The following UBE2D2 variants were observed in gnomAD, a reference collection of about 807,000 sequenced individuals.
The protein encoded by UBE2D2 is ubiquitin-conjugating enzyme E2 D2.
In UBE2D2, 2 loss-of-function variants were observed where a neutral mutation model predicts 24.2. The ratio of observed to expected loss-of-function variants is 0.08; its 90% confidence interval spans 0.03 to 0.26. The LOEUF is 0.26. UBE2D2 is among the 10% of genes least tolerant of loss of function. UBE2D2 has a pLI of 1.00. For synonymous variants in UBE2D2, 58 were observed against 56.5 expected (o/e 1.03, Z -0.12); for missense variants, 44 against 177.6 (o/e 0.25, Z 4.28).
At chr5:139,544,236 T>G (rs1754836681) in intron 1 of UBE2D2, among the ~76,000 whole-genome samples, 1 of 150,904 alleles carries the variant, frequency 6.6e-6, no homozygotes, top group Admixed American at 6.6e-5. Flanking sequence ...ACTCATGCAG[T>G]CCTCCCACCT....
chr5:139,572,579 G>A lies in UBE2D2; in HGVS notation c.24+10764G>A, dbSNP rs184444190. 5.9e-5 allele frequency among the ~76,000 whole-genome samples: 9 copies of A among 151,662 alleles called. No homozygotes were observed. The South Asian group carries it at 6.2e-4, about 11-fold the overall frequency. On this transcript the variant is annotated intron_variant, in intron 1 of 6. Coordinates refer to ENST00000398733, the MANE Select transcript of UBE2D2 (RefSeq NM_003339.3). Reference sequence around the variant, plus strand: ...CCAGTGCACTCCAGCTTGGGCCACAGAGCGAGATCTGTCTCTTAAAAAAAA... The same window carrying A: ...CCAGTGCACTCCAGCTTGGGCCACAAAGCGAGATCTGTCTCTTAAAAAAAA...
intron 1 of UBE2D2, among the ~76,000 whole-genome samples, chr5:139,545,196 CTAAT>C: frequency 6.6e-6 from 1 of 152,184 alleles, no homozygotes; most frequent in African/African-American, 2.4e-5. Flanking sequence ...TTATGGTAAT[CTAAT>C]TAACTTTTCC....
intron 1 of UBE2D2, among the ~76,000 whole-genome samples, chr5:139,545,434 A>T (rs111228103): frequency 0.044 from 1,618 of 36,548 alleles, 11 homozygotes; most frequent in East Asian, 0.088. Context: ...TTTTTTTTTT[A>T]ATTTTTTTTT....
chr5:139,610,879 G>GTACA (rs1272192767), intron 2 of UBE2D2, among the ~76,000 whole-genome samples: 1 of 152,020 alleles, frequency 6.6e-6, no homozygotes, highest in African/African-American at 2.4e-5. Flanking sequence ...GGAGAGCAGT[G>GTACA]TACAAGCAGT....
intron 1 of UBE2D2, among the ~76,000 whole-genome samples, chr5:139,545,108 G>A (rs1366964653): frequency 6.6e-6 from 1 of 152,116 alleles, no homozygotes; most frequent in Non-Finnish European, 1.5e-5. Flanking sequence ...TGCTGTGGTA[G>A]TTCTTCCATA....
chr5:139,550,760 C>G (rs983635052), intron 1 of UBE2D2, among the ~76,000 whole-genome samples: 4 of 152,078 alleles, frequency 2.6e-5, no homozygotes, highest in East Asian at 1.9e-4. Context: ...GTAATACTCA[C>G]TGTGAAAGTC....
At chr5:139,544,543 A>G (rs1183913988) in intron 1 of UBE2D2, among the ~76,000 whole-genome samples, 1 of 151,594 alleles carries the variant, frequency 6.6e-6, no homozygotes, top group East Asian at 1.9e-4. Flanking sequence ...TACCCACCTC[A>G]GCCTCCCAAG....
intron 1 of UBE2D2, among the ~76,000 whole-genome samples, chr5:139,565,187 A>G (rs761349031): frequency 4.0e-5 from 6 of 149,870 alleles, no homozygotes; most frequent in Admixed American, 2.7e-4. Flanking sequence ...TACATTTGAC[A>G]TGTGACATCT....
intron 1 of UBE2D2, among the ~76,000 whole-genome samples, chr5:139,584,620 C>T (rs1487073928): frequency 6.3e-5 from 9 of 142,188 alleles, no homozygotes; most frequent in African/African-American, 2.1e-4. Context: ...GCATCCTCTG[C>T]CTCCTGGGTT....
chr5:139,593,081 C>T (rs1000810976), intron 1 of UBE2D2, among the ~76,000 whole-genome samples: 16 of 143,230 alleles, frequency 1.1e-4, no homozygotes, highest in Admixed American at 2.8e-4. Context: ...CTGCAACCTC[C>T]GCCTCCCGGG....
intron 1 of UBE2D2, among the ~76,000 whole-genome samples, chr5:139,571,081 G>A (rs966923897): frequency 3.3e-5 from 5 of 152,042 alleles, no homozygotes; most frequent in Non-Finnish European, 4.4e-5. Context: ...TAAATCTTAC[G>A]TGTGAGTTGT....
chr5:139,576,067 C>T (rs1036306114), intron 1 of UBE2D2, among the ~76,000 whole-genome samples: 2 of 152,138 alleles, frequency 1.3e-5, no homozygotes, highest in South Asian at 2.1e-4. Context: ...ACAAAAGCCT[C>T]AATGGTAGGA....
chr5:139,551,426 A>G (rs1038279045), intron 1 of UBE2D2, among the ~76,000 whole-genome samples: 4 of 152,224 alleles, frequency 2.6e-5, no homozygotes, highest in African/African-American at 4.8e-5. Context: ...AAGAGGGACA[A>G]TATTTGTCCT....
At chr5:139,611,101 T>G (rs1405397945) in intron 2 of UBE2D2, among the ~76,000 whole-genome samples, 1 of 151,554 alleles carries the variant, frequency 6.6e-6, no homozygotes, top group East Asian at 1.9e-4. Flanking sequence ...TTCCACTAGT[T>G]AGCGAGAAGT....
At chr5:139,611,402 G>A (rs1300181925) in intron 2 of UBE2D2, among the ~76,000 whole-genome samples, 1 of 151,908 alleles carries the variant, frequency 6.6e-6, no homozygotes, top group Non-Finnish European at 1.5e-5. Flanking sequence ...TGGTCAGGCT[G>A]ATCTCGAACT....
intron 5 of UBE2D2, among the ~76,000 whole-genome samples, chr5:139,622,842 ACCGCG>A (rs1754539999): frequency 6.6e-6 from 1 of 151,738 alleles, no homozygotes; most frequent in Admixed American, 6.6e-5. Flanking sequence ...GTGAGCCTAG[ACCGCG>A]CCGCGCCACT....
intron 2 of UBE2D2, among the ~76,000 whole-genome samples, chr5:139,605,181 TATAAAA>T: frequency 6.6e-6 from 1 of 152,308 alleles, no homozygotes; most frequent in South Asian, 2.1e-4. Flanking sequence ...TGATATTTAG[TATAAAA>T]ATAAAGTAGA....
At chr5:139,604,043 A>G (rs1754139872) in intron 2 of UBE2D2, among the ~76,000 whole-genome samples, 1 of 152,202 alleles carries the variant, frequency 6.6e-6, no homozygotes, top group Non-Finnish European at 1.5e-5. Context: ...CAGGCTGCAA[A>G]TGATGCCATC....
chr5:139,551,190 C>CA (rs1454282390), intron 1 of UBE2D2, among the ~76,000 whole-genome samples: 1 of 151,960 alleles, frequency 6.6e-6, no homozygotes, highest in Non-Finnish European at 1.5e-5. Flanking sequence ...ACTGAAATTA[C>CA]AAAAAATTAG....
Sources: gnomAD v4.1 joint callset for allele counts (sites outside exome capture counted in the v4.1 genomes callset) on GRCh38, gnomAD v4.1.1 for gene constraint, MANE v1.5 for transcripts, NCBI Gene and HGNC (gene_info 2026-07-23, HGNC 2026-07-21) for gene names.